The following RHOT1 variants were observed in gnomAD, a reference collection of about 807,000 sequenced individuals.
The protein encoded by RHOT1 is ras homolog family member T1, also known as mitochondrial Rho GTPase 1.
Under a neutral mutation model 95.3 loss-of-function variants are expected in RHOT1, and 27 were observed. That is an observed-to-expected ratio of 0.28 (90% confidence interval 0.21 to 0.39). RHOT1 has a LOEUF of 0.39. RHOT1 is among the 10% of genes least tolerant of loss of function. RHOT1 has a pLI of 1.00. For synonymous variants in RHOT1, 227 were observed against 263.5 expected (o/e 0.86, Z 1.34); for missense variants, 578 against 786.7 (o/e 0.73, Z 3.17).
At position 32,214,806 on chromosome 17, in the gene RHOT1, A is replaced by G. The variant is rs568590303; in HGVS notation, c.1862+3568A>G. On this transcript the variant is annotated intron_variant, in intron 19 of 19. Transcript: ENST00000545287. ...ATAGGGAGGGTTCTCACCTAACACT[A>G]GGTCCTAAGTCTTTGTTTTTAGATA... Among the ~76,000 whole-genome samples, 15 of 150,610 alleles carry G rather than the reference A, an allele frequency of 1.0e-4. No homozygotes were observed. The South Asian group carries it at 2.7e-3, about 28-fold the overall frequency.
intron 13 of RHOT1, among the ~76,000 whole-genome samples, chr17:32,200,540 C>G (rs1211737896): frequency 6.6e-6 from 1 of 152,008 alleles, no homozygotes; most frequent in Non-Finnish European, 1.5e-5. Flanking sequence ...GGATGGATCA[C>G]TTGAGCTCAG....
intron 1 of RHOT1, among the ~76,000 whole-genome samples, chr17:32,155,354 G>T (rs919682547): frequency 2.6e-5 from 4 of 151,688 alleles, no homozygotes; most frequent in Non-Finnish European, 4.4e-5. Flanking sequence ...TAGAGACAGG[G>T]TTTCACCATG....
chr17:32,202,230 C>T (rs1232809500), intron 14 of RHOT1, among the ~76,000 whole-genome samples: 1 of 152,136 alleles, frequency 6.6e-6, no homozygotes, highest in African/African-American at 2.4e-5. Context: ...CTCTTTACCT[C>T]AGGAAGGGAT....
At chr17:32,187,810 C>T (rs2036170123) in intron 8 of RHOT1, among the ~76,000 whole-genome samples, 2 of 152,186 alleles carry the variant, frequency 1.3e-5, no homozygotes, top group South Asian at 4.1e-4. Flanking sequence ...CTTAGGTGAT[C>T]TGCCTGCCTT....
chr17:32,184,378 T>A (rs1415643998), intron 8 of RHOT1, among the ~76,000 whole-genome samples: 3 of 152,256 alleles, frequency 2.0e-5, no homozygotes, highest in African/African-American at 4.8e-5. Flanking sequence ...AGCGTAATAT[T>A]TCCATGGTAT....
chr17:32,149,627 A>ATGTG (rs1488563031), intron 1 of RHOT1, among the ~76,000 whole-genome samples: 13 of 87,204 alleles, frequency 1.5e-4, no homozygotes, highest in East Asian at 6.4e-4. Context: ...ATATATATAT[A>ATGTG]TATATATATG....
At chr17:32,161,103 TAACAC>T (rs2033505478) in intron 1 of RHOT1, among the ~76,000 whole-genome samples, 1 of 152,194 alleles carries the variant, frequency 6.6e-6, no homozygotes, top group South Asian at 2.1e-4. Context: ...ATAACTTAAT[TAACAC>T]AAGGCTGGCC....
chr17:32,160,749 G>A (rs548170385), intron 1 of RHOT1, among the ~76,000 whole-genome samples: 10 of 152,184 alleles, frequency 6.6e-5, no homozygotes, highest in South Asian at 6.2e-4. Context: ...AGCAGCCGGC[G>A]TGCCTGGCTG....
intron 1 of RHOT1, among the ~76,000 whole-genome samples, chr17:32,156,522 C>T (rs1182485535): frequency 6.6e-6 from 1 of 152,222 alleles, no homozygotes; most frequent in African/African-American, 2.4e-5. Context: ...CCCCTCACCT[C>T]AGCCTCCCAA....
intron 1 of RHOT1, among the ~76,000 whole-genome samples, chr17:32,147,559 C>A (rs138800357): frequency 1.4e-3 from 215 of 152,128 alleles, no homozygotes; most frequent in African/African-American, 4.8e-3. Context: ...CGCGGTGGCT[C>A]ACACCTGTAA....
At chr17:32,201,823 C>T (rs551582018) in intron 14 of RHOT1, among the ~76,000 whole-genome samples, 8 of 152,038 alleles carry the variant, frequency 5.3e-5, no homozygotes, top group African/African-American at 1.4e-4. Context: ...TTATCATTTT[C>T]GGTTTTTTTT....
At position 32,202,912 on chromosome 17, in the gene RHOT1, C is replaced by T. The variant is rs1411658283; in HGVS notation, c.1332+12C>T. 1.0e-5 allele frequency: 16 copies of T among 1,603,958 alleles called. No homozygotes were observed. The highest frequency in any genetic ancestry group is 1.3e-5 in the Non-Finnish European group (15 of 1,177,522). On this transcript the variant is annotated intron_variant, in intron 15 of 19. Coordinates refer to ENST00000545287, the MANE Select transcript of RHOT1 (RefSeq NM_001033566.3). The stretch of plus-strand genomic sequence containing the variant: ...GAAGAAACTTAATGGTGAGAGTTCT[C>T]GTAAAATACAATTTTATCCAACAAA...
chr17:32,146,441 A>T (rs771906514), intron 1 of RHOT1, among the ~76,000 whole-genome samples: 1 of 151,208 alleles, frequency 6.6e-6, no homozygotes, highest in African/African-American at 2.4e-5. Flanking sequence ...TATTATTATT[A>T]TTATTTTTAT....
chr17:32,175,102 T>C (rs761244676), intron 3 of RHOT1, among the ~76,000 whole-genome samples: 5 of 152,236 alleles, frequency 3.3e-5, no homozygotes, highest in South Asian at 2.1e-4. Context: ...ACAATGCTTC[T>C]GCTGTTCCAT....
At chr17:32,177,031 C>G (rs1598358457) in intron 6 of RHOT1, among the ~76,000 whole-genome samples, 1 of 152,128 alleles carries the variant, frequency 6.6e-6, no homozygotes, top group Non-Finnish European at 1.5e-5. Flanking sequence ...AACCCTCTGT[C>G]TTACATATTT....
intron 8 of RHOT1, among the ~76,000 whole-genome samples, chr17:32,190,898 CG>C (rs1445211944): frequency 6.6e-6 from 1 of 152,112 alleles, no homozygotes; most frequent in Non-Finnish European, 1.5e-5. Context: ...CGGGTTCAAG[CG>C]ATTCTCCTGC....
chr17:32,155,370 C>G (rs2032848964), intron 1 of RHOT1, among the ~76,000 whole-genome samples: 1 of 151,920 alleles, frequency 6.6e-6, no homozygotes, highest in African/African-American at 2.4e-5. Context: ...CCATGTTAAC[C>G]AGGATGGTCT....
Position 32,171,027 on chromosome 17 carries a change from A to AT in RHOT1, c.38-11dup, listed in dbSNP as rs2034531255. 1 of 1,591,982 alleles carries AT rather than the reference A, an allele frequency of 6.3e-7. No homozygotes were observed. Among genetic ancestry groups the AT allele is most frequent in the African/African-American group, 1.4e-5 (1 of 73,760 alleles). On this transcript the variant is annotated splice_polypyrimidine_tract_variant and intron_variant, in intron 1 of 19. Coordinates refer to ENST00000545287, the MANE Select transcript of RHOT1 (RefSeq NM_001033566.3). ...AACCTAACACTTTATTAAAGTAACG[A>AT]TTTTTCTTTTCACAGCTAGAGTTGG...
chr17:32,209,084 T>G (rs2037953072), intron 18 of RHOT1: 1 of 193,590 alleles, frequency 5.2e-6, no homozygotes, highest in Non-Finnish European at 1.0e-5. Flanking sequence ...TTTTTCTTCT[T>G]ATGAAAACTA....
Sources: allele counts gnomAD v4.1 joint callset (sites outside exome capture counted in the v4.1 genomes callset), GRCh38; gene constraint gnomAD v4.1.1; transcripts MANE v1.5; gene names NCBI Gene and HGNC (gene_info 2026-07-23, HGNC 2026-07-21).